Variants in PDE3B observed in about 807,000 individuals in gnomAD.
PDE3B encodes the protein phosphodiesterase 3B.
Under a neutral mutation model 116.8 loss-of-function variants are expected in PDE3B, and 66 were observed. That is an observed-to-expected ratio of 0.56 (90% CI 0.46 to 0.69). The LOEUF (loss-of-function observed/expected upper bound fraction) is 0.69. Ranked by LOEUF, PDE3B falls within the 30% of genes least tolerant of loss-of-function variation. PDE3B has a pLI of 0.00. For missense variants in PDE3B, 1,384 were observed against 1,368.1 expected, an observed-to-expected ratio of 1.01 and a Z score of -0.18; for synonymous variants, 595 against 533.6, an observed-to-expected ratio of 1.12 and a Z score of -1.59.
chr11:14,866,334 CTTCT>C (rs1468025875), intron 14 of PDE3B, among the ~76,000 whole-genome samples: 1 of 152,134 alleles, frequency 6.6e-6, no homozygotes, highest in African/African-American at 2.4e-5. Flanking sequence ...CAGAACTAAA[CTTCT>C]TTCTCATTCT....
the PDE3B span, among the ~76,000 whole-genome samples, chr11:14,880,957 T>G: frequency 1.3e-5 from 2 of 152,042 alleles, no homozygotes; most frequent in Admixed American, 6.6e-5. Context: ...GTTTTTCTAC[T>G]CCTTATCTGT....
At chr11:14,892,566 A>G in the PDE3B span, among the ~76,000 whole-genome samples, 1 of 152,178 alleles carries the variant, frequency 6.6e-6, no homozygotes, top group African/African-American at 2.4e-5. Flanking sequence ...GACCTTTCTT[A>G]AAGTGTCTTT....
intron 1 of PDE3B, among the ~76,000 whole-genome samples, chr11:14,711,792 T>G (rs1855710466): frequency 6.6e-6 from 1 of 152,234 alleles, no homozygotes; most frequent in East Asian, 1.9e-4. Flanking sequence ...CAGCATTCAC[T>G]GCTGGTAAAA....
intron 5 of PDE3B, among the ~76,000 whole-genome samples, chr11:14,817,426 A>G (rs892571156): frequency 3.3e-5 from 5 of 152,264 alleles, no homozygotes; most frequent in African/African-American, 1.2e-4. Flanking sequence ...CTTAGAACTT[A>G]AAGTATAATT....
chr11:14,880,640 T>G, the PDE3B span: 7 of 1,598,444 alleles, frequency 4.4e-6, no homozygotes, highest in South Asian at 1.1e-5. Flanking sequence ...ATAGCATCAT[T>G]GAAAAATTTG....
At chr11:14,662,578 T>G (rs1853965765) in intron 1 of PDE3B, among the ~76,000 whole-genome samples, 1 of 152,014 alleles carries the variant, frequency 6.6e-6, no homozygotes. Context: ...TAGACGAATG[T>G]ATAACTAGAA....
chr11:14,839,757 T>C (rs1345770864), intron 11 of PDE3B, among the ~76,000 whole-genome samples: 1 of 152,202 alleles, frequency 6.6e-6, no homozygotes. Flanking sequence ...CCGTAAGTTA[T>C]CAAGGTCAGC....
intron 1 of PDE3B, among the ~76,000 whole-genome samples, chr11:14,654,146 AT>A (rs1000890269): frequency 2.4e-4 from 36 of 152,222 alleles, no homozygotes; most frequent in African/African-American, 7.5e-4. Flanking sequence ...TTAGAAAAAA[AT>A]GTCTGTAAAA....
chr11:14,878,023 G>T, the PDE3B span: 1 of 1,309,038 alleles, frequency 7.6e-7, no homozygotes, highest in Non-Finnish European at 1.1e-6. Context: ...GCTTTTTGAT[G>T]CTGTGACTTT....
chr11:14,835,170 GTTCTT>G, intron 11 of PDE3B, 75 bp downstream of exon 11: 3 of 898,740 alleles, frequency 3.3e-6, no homozygotes, highest in Non-Finnish European at 5.1e-6. Flanking sequence ...CATTACCTCT[GTTCTT>G]TTAAGTTTTT....
intron 1 of PDE3B, among the ~76,000 whole-genome samples, chr11:14,735,813 G>T (rs1449862336): frequency 6.6e-6 from 1 of 152,114 alleles, no homozygotes; most frequent in Non-Finnish European, 1.5e-5. Flanking sequence ...TCAAGGTTTG[G>T]TAGGGAGCCT....
At chr11:14,674,346 C>G in intron 1 of PDE3B, 1 of 816,718 alleles carries the variant, frequency 1.2e-6, no homozygotes, top group Non-Finnish European at 2.1e-6. Context: ...ATTCTTTCTG[C>G]AAATTAGTGT....
intron 1 of PDE3B, among the ~76,000 whole-genome samples, chr11:14,713,699 C>CCT (rs1202414118): frequency 2.7e-5 from 1 of 37,146 alleles, no homozygotes; most frequent in Non-Finnish European, 6.4e-5. Flanking sequence ...AATCTTTACA[C>CCT]ACACACACAC....
chr11:14,839,090 G>C (rs920130690), intron 11 of PDE3B, among the ~76,000 whole-genome samples: 1 of 152,162 alleles, frequency 6.6e-6, no homozygotes, highest in Admixed American at 6.5e-5. Flanking sequence ...TGCTATGCTG[G>C]TCCTACAGCC....
intron 12 of PDE3B, among the ~76,000 whole-genome samples, chr11:14,844,424 T>C (rs1847543965): frequency 6.6e-6 from 1 of 152,200 alleles, no homozygotes; most frequent in Non-Finnish European, 1.5e-5. Context: ...AGACGGGTGA[T>C]TTCTGCATTT....
At chr11:14,770,934 G>C (rs939412448) in intron 1 of PDE3B, among the ~76,000 whole-genome samples, 2 of 151,526 alleles carry the variant, frequency 1.3e-5, no homozygotes, top group African/African-American at 4.8e-5. Flanking sequence ...TCACCTTTGA[G>C]CTAATAATTT....
At chr11:14,778,438 A>C (rs903122904) in intron 2 of PDE3B, among the ~76,000 whole-genome samples, 3 of 152,162 alleles carry the variant, frequency 2.0e-5, no homozygotes, top group African/African-American at 7.2e-5. Flanking sequence ...CTGACGCCTC[A>C]TACGGCCGGG....
chr11:14,865,817 ATAT>A (rs1848033923), intron 14 of PDE3B, among the ~76,000 whole-genome samples: 1 of 152,176 alleles, frequency 6.6e-6, no homozygotes. Context: ...TGTTATCTTT[ATAT>A]TATATGTACA....
intron 12 of PDE3B, among the ~76,000 whole-genome samples, chr11:14,845,882 G>C (rs1262566977): frequency 1.3e-5 from 2 of 152,160 alleles, no homozygotes; most frequent in Admixed American, 6.5e-5. Flanking sequence ...CTGAAAGTGA[G>C]GGGGAGAATG....
Sources: gnomAD v4.1 joint callset for allele counts (sites outside exome capture counted in the v4.1 genomes callset) on GRCh38, gnomAD v4.1.1 for gene constraint, MANE v1.5 for transcripts, NCBI Gene and HGNC (gene_info 2026-07-23, HGNC 2026-07-21) for gene names.